Variants in GCSAML observed in about 807,000 individuals in gnomAD.
GCSAML encodes germinal center associated signaling and motility like.
Under a neutral mutation model 13.0 loss-of-function variants are expected in GCSAML, and 9 were observed. That is an observed-to-expected ratio of 0.69 (90% CI 0.42 to 1.21). The LOEUF is 1.21. GCSAML is among the 50% of genes most tolerant of loss of function. The probability of loss-of-function intolerance (pLI) is 0.00; values close to 1 mark genes in which losing one functional copy is unlikely to be tolerated. For missense variants in GCSAML, 143 were observed against 153.4 expected, an observed-to-expected ratio of 0.93 and a Z score of 0.36; for synonymous variants, 37 against 52.9, an observed-to-expected ratio of 0.70 and a Z score of 1.31.
intron 1 of GCSAML, among the ~76,000 whole-genome samples, chr1:247,517,162 T>C (rs1666238182): frequency 6.6e-6 from 1 of 152,236 alleles, no homozygotes; most frequent in East Asian, 1.9e-4. Context: ...TTTTGGTCTT[T>C]TGGATAATGT....
At chr1:247,532,431 G>A (rs767916298) in intron 2 of GCSAML, 4 of 1,613,944 alleles carry the variant, frequency 2.5e-6, no homozygotes, top group Non-Finnish European at 3.4e-6. Context: ...CTATGAAGAG[G>A]ACAGTTTCTA....
chr1:247,538,688 A>G (rs1182622645), intron 2 of GCSAML: 1 of 455,150 alleles, frequency 2.2e-6, no homozygotes, highest in Non-Finnish European at 4.4e-6. Context: ...GAAAGGCCAG[A>G]TGAGGACACA....
At position 247,575,946 on chromosome 1, in the gene GCSAML, T is replaced by TA. The variant is rs1278165567; in HGVS notation, c.*1564_*1565insA. 4 of 152,200 alleles carry TA rather than the reference T, an allele frequency of 2.6e-5. No individual in the cohort carries two copies. The highest frequency in any genetic ancestry group is 6.5e-5 in the Admixed American group (1 of 15,268). 9.4% of individuals were successfully genotyped at this position (152,200 alleles called of 1,614,324 possible). On this transcript the variant is annotated 3_prime_UTR_variant, in exon 5 of 5. Transcript: ENST00000366488. Reference sequence around the variant, plus strand: ...TAATTGACAATGCATTCATTATATATTTTTTTGTATAGTTACAGTATACGA... The same window carrying TA: ...TAATTGACAATGCATTCATTATATATATTTTTTGTATAGTTACAGTATACGA...
chr1:247,554,868 G>GA (rs1233035050), intron 1 of GCSAML, among the ~76,000 whole-genome samples: 1 of 151,938 alleles, frequency 6.6e-6, no homozygotes, highest in Non-Finnish European at 1.5e-5. Flanking sequence ...AAAATAAGAA[G>GA]AAAAAACACA....
chr1:247,574,113 C>T (rs1425824972), intron 4 of GCSAML, 30 bp from the exon 5 acceptor site: 1 of 1,612,054 alleles, frequency 6.2e-7, no homozygotes, highest in Admixed American at 1.7e-5. Flanking sequence ...ACCGTGGATC[C>T]TTGATTTCTT....
At chr1:247,563,507 G>A (rs1457932423) in intron 2 of GCSAML, 83 bp from the exon 3 acceptor site, 2 of 747,722 alleles carry the variant, frequency 2.7e-6, no homozygotes, top group East Asian at 2.7e-5. Context: ...CTTAGGTTAA[G>A]GGCAACCAAA....
At chr1:247,513,084 G>A (rs530387829) in intron 1 of GCSAML, among the ~76,000 whole-genome samples, 3 of 152,256 alleles carry the variant, frequency 2.0e-5, no homozygotes, top group Admixed American at 6.5e-5. Context: ...AGGCAGAAAT[G>A]TTTGTCTGCT....
chr1:247,546,405 C>CTGGA (rs1237987741), upstream of GCSAML, among the ~76,000 whole-genome samples: 1 of 152,126 alleles, frequency 6.6e-6, no homozygotes, highest in Non-Finnish European at 1.5e-5. Flanking sequence ...GTCACCCAGG[C>CTGGA]TGGAGTGCAG....
chr1:247,522,166 A>G, intron 1 of GCSAML, among the ~76,000 whole-genome samples: 1 of 150,950 alleles, frequency 6.6e-6, no homozygotes, highest in African/African-American at 2.4e-5. Flanking sequence ...CTGGAAAGTG[A>G]GGAGCGTCTC....
At chr1:247,512,309 TA>T (rs1190946299) in intron 1 of GCSAML, among the ~76,000 whole-genome samples, 1 of 151,880 alleles carries the variant, frequency 6.6e-6, no homozygotes, top group Non-Finnish European at 1.5e-5. Flanking sequence ...CGGCTACTGA[TA>T]CTTGTGTATG....
At chr1:247,534,111 A>G (rs1457851541) in intron 2 of GCSAML, among the ~76,000 whole-genome samples, 1 of 151,696 alleles carries the variant, frequency 6.6e-6, no homozygotes, top group African/African-American at 2.4e-5. Context: ...AACCCTCACA[A>G]CTCCCTTCTC....
At chr1:247,572,388 G>A (rs537069799) in intron 4 of GCSAML, among the ~76,000 whole-genome samples, 4 of 152,056 alleles carry the variant, frequency 2.6e-5, no homozygotes, top group Non-Finnish European at 4.4e-5. Flanking sequence ...GAGTTTTTGC[G>A]TGGTTGTCCT....
upstream of GCSAML, among the ~76,000 whole-genome samples, chr1:247,546,524 C>A (rs370099833): frequency 3.0e-4 from 46 of 151,812 alleles, no homozygotes; most frequent in East Asian, 7.8e-4. Context: ...ACGCCTGGCT[C>A]ATTTTTTGTA....
intron 1 of GCSAML, among the ~76,000 whole-genome samples, chr1:247,517,748 A>G (rs1325292185): frequency 6.6e-6 from 1 of 152,190 alleles, no homozygotes; most frequent in Non-Finnish European, 1.5e-5. Context: ...GAGACTCGCT[A>G]AAAACTGTGG....
rs558775773 is a variant in GCSAML, at chr1:247,554,392, A to G, written c.30-2015A>G. Among the ~76,000 whole-genome samples, 3 of 152,032 alleles carry G rather than the reference A, an allele frequency of 2.0e-5. No individual in the cohort carries two copies. In the South Asian group the frequency reaches 6.2e-4, roughly 32 times the overall value. On this transcript the variant is annotated intron_variant, in intron 1 of 4. Coordinates refer to ENST00000366488, the MANE Select transcript of GCSAML (RefSeq NM_145278.5). ...CCTTATTTCTTTAGTTGGTCTTTCCAGACTTTTGCTATCTTACTGATATTA... is the reference window on the plus strand; with the variant it reads ...CCTTATTTCTTTAGTTGGTCTTTCCGGACTTTTGCTATCTTACTGATATTA...
intron 2 of GCSAML, chr1:247,531,327 A>T: frequency 1.7e-6 from 1 of 580,734 alleles, no homozygotes; most frequent in Non-Finnish European, 3.0e-6. Flanking sequence ...ATGTGTATAT[A>T]TAGCAAAAAC....
rs1017318042 is a variant in GCSAML at position 247,576,301 on chromosome 1, T to C, written c.*1919T>C. ...AGTTCATGCCAGTGATCCGAGTACT[T>C]TGGGAAGCCAAGACAGGTGGATCTC... On this transcript the variant is annotated 3_prime_UTR_variant, in exon 5 of 5. Transcript: ENST00000366488. 4 of 152,170 alleles carry C rather than the reference T, an allele frequency of 2.6e-5. No individual in the cohort carries two copies. Among genetic ancestry groups the C allele is most frequent in the African/African-American group, 7.2e-5 (3 of 41,444 alleles). The allele number at this position is 152,170 out of a possible 1,614,324, so 9.4% of individuals were successfully genotyped here.
intron 1 of GCSAML, among the ~76,000 whole-genome samples, chr1:247,515,393 C>T (rs575727399): frequency 6.6e-6 from 1 of 152,248 alleles, no homozygotes; most frequent in African/African-American, 2.4e-5. Context: ...TTTAGAAATA[C>T]AGTTTAAAAT....
intron 1 of GCSAML, chr1:247,525,415 T>A (rs1347075258): frequency 6.8e-6 from 1 of 146,956 alleles, no homozygotes; most frequent in Non-Finnish European, 1.5e-5. Flanking sequence ...GACCAGTCAA[T>A]CAGCTGTAAG....
Sources: gnomAD v4.1 joint callset for allele counts (sites outside exome capture counted in the v4.1 genomes callset) on GRCh38, gnomAD v4.1.1 for gene constraint, MANE v1.5 for transcripts, NCBI Gene and HGNC (gene_info 2026-07-23, HGNC 2026-07-21) for gene names.